THADA: variants seen among roughly 807,000 people sequenced by gnomAD.
THADA encodes the protein tRNA (32-2'-O)-methyltransferase regulator THADA.
Under a neutral mutation model 219.8 loss-of-function variants are expected in THADA, and 213 were observed. The ratio of observed to expected loss-of-function variants is 0.97; its 90% CI spans 0.87 to 1.09. THADA has a LOEUF of 1.09. Among genes scored for constraint, THADA ranks in the 50% least tolerant of loss-of-function variants. THADA has a pLI of 0.00. For synonymous variants in THADA, 1,018 were observed against 828.9 expected, an observed-to-expected ratio of 1.23 and a Z score of -3.92; for missense variants, 2,956 against 2,311.3, an observed-to-expected ratio of 1.28 and a Z score of -5.72.
chr2:43,310,985 T>G (rs1029652464), intron 31 of THADA, among the ~76,000 whole-genome samples: 3 of 152,224 alleles, frequency 2.0e-5, no homozygotes, highest in African/African-American at 7.2e-5. Flanking sequence ...GACACCAGCC[T>G]GGTTAACATG....
intron 21 of THADA, among the ~76,000 whole-genome samples, chr2:43,536,724 T>A (rs1694654938): frequency 6.6e-6 from 1 of 152,048 alleles, no homozygotes; most frequent in South Asian, 2.1e-4. Flanking sequence ...AAAAAAAATA[T>A]AAATATATTT....
chr2:43,552,481 G>C (rs896755862), intron 17 of THADA, 142 bp from the exon 18 acceptor site: 10 of 945,406 alleles, frequency 1.1e-5, no homozygotes, highest in Non-Finnish European at 1.5e-5. Flanking sequence ...AGATCTTTCA[G>C]GGTTATCCAA....
intron 29 of THADA, among the ~76,000 whole-genome samples, chr2:43,358,162 A>G (rs775154628): frequency 6.6e-6 from 1 of 152,194 alleles, no homozygotes; most frequent in Non-Finnish European, 1.5e-5. Flanking sequence ...AATGACTACC[A>G]CAATCAAGAT....
At chr2:43,525,342 C>T (rs574917199) in intron 22 of THADA, among the ~76,000 whole-genome samples, 39 of 152,298 alleles carry the variant, frequency 2.6e-4, no homozygotes, top group Non-Finnish European at 4.6e-4. Context: ...TATGATCTTG[C>T]CACTTTGCTG....
intron 29 of THADA, among the ~76,000 whole-genome samples, chr2:43,352,759 G>C (rs1668431991): frequency 6.6e-6 from 1 of 151,998 alleles, no homozygotes; most frequent in Non-Finnish European, 1.5e-5. Flanking sequence ...ATAGTAACTA[G>C]CATCCCTACC....
intron 26 of THADA, among the ~76,000 whole-genome samples, chr2:43,440,030 A>G (rs1323319031): frequency 6.6e-6 from 1 of 152,204 alleles, no homozygotes; most frequent in East Asian, 1.9e-4. Context: ...AGATATTTTA[A>G]TGGAAAAAGT....
chr2:43,503,778 C>T (rs1346125782), intron 24 of THADA, among the ~76,000 whole-genome samples: 1 of 152,028 alleles, frequency 6.6e-6, no homozygotes, highest in Non-Finnish European at 1.5e-5. Context: ...ATTTTTAAAT[C>T]TCACCAATTT....
chr2:43,502,013 G>A (rs2105072666), intron 24 of THADA, among the ~76,000 whole-genome samples: 1 of 152,122 alleles, frequency 6.6e-6, no homozygotes, highest in Admixed American at 6.5e-5. Flanking sequence ...CACAGAAACA[G>A]AACCACCTAT....
intron 8 of THADA, 79 bp downstream of exon 8, chr2:43,581,662 C>T: frequency 3.1e-6 from 4 of 1,279,356 alleles, no homozygotes; most frequent in Non-Finnish European, 4.4e-6. Context: ...ACATTTCACA[C>T]TATTAGTAGG....
At chr2:43,546,417 G>C (rs2103849588) in intron 20 of THADA, among the ~76,000 whole-genome samples, 1 of 152,244 alleles carries the variant, frequency 6.6e-6, no homozygotes, top group South Asian at 2.1e-4. Context: ...TCAATTCCTG[G>C]ATATCCTTGT....
intron 21 of THADA, 46 bp downstream of exon 21, chr2:43,541,113 T>C (rs1393766276): frequency 6.9e-7 from 1 of 1,453,536 alleles, no homozygotes; most frequent in South Asian, 1.5e-5. Flanking sequence ...AAGTGATTTA[T>C]GCGTTGACCA....
intron 36 of THADA, among the ~76,000 whole-genome samples, chr2:43,266,437 A>AAAACAAAAAAT: frequency 6.6e-6 from 1 of 152,306 alleles, no homozygotes; most frequent in East Asian, 1.9e-4. Flanking sequence ...TAAAAACAAA[A>AAAACAAAAAAT]AAACAAAAAT....
intron 31 of THADA, among the ~76,000 whole-genome samples, chr2:43,293,452 A>C (rs1674987353): frequency 6.6e-6 from 1 of 152,132 alleles, no homozygotes; most frequent in Non-Finnish European, 1.5e-5. Context: ...CTATTAGAAA[A>C]TGCGTTCCTG....
At chr2:43,590,648 A>G (rs998963166) in intron 4 of THADA, among the ~76,000 whole-genome samples, 176 bp downstream of exon 4, 1 of 151,370 alleles carries the variant, frequency 6.6e-6, no homozygotes, top group Non-Finnish European at 1.5e-5. Context: ...CCGTCTCAAA[A>G]AAAAAAAAAA....
chr2:43,514,244 G>GT (rs969766613), intron 22 of THADA, among the ~76,000 whole-genome samples: 2 of 151,230 alleles, frequency 1.3e-5, no homozygotes, highest in African/African-American at 2.4e-5. Flanking sequence ...GAGCTCTGGA[G>GT]TTTGAGACCA....
intron 22 of THADA, among the ~76,000 whole-genome samples, chr2:43,511,277 T>C (rs572161961): frequency 2.0e-5 from 3 of 152,164 alleles, no homozygotes; most frequent in African/African-American, 4.8e-5. Context: ...ATTTCCTAAG[T>C]GTGCTGAAAT....
At chr2:43,459,074 C>T (rs1233264120) in intron 26 of THADA, among the ~76,000 whole-genome samples, 1 of 152,134 alleles carries the variant, frequency 6.6e-6, no homozygotes, top group African/African-American at 2.4e-5. Flanking sequence ...CTTTCCAATC[C>T]AGCCACATCA....
At chr2:43,340,921 G>C (rs1216958352) in intron 30 of THADA, among the ~76,000 whole-genome samples, 2 of 152,184 alleles carry the variant, frequency 1.3e-5, no homozygotes, top group Non-Finnish European at 2.9e-5. Context: ...GAGGACCTCA[G>C]GGACAGGGCA....
At chr2:43,543,620 G>A (rs1193806073) in intron 20 of THADA, among the ~76,000 whole-genome samples, 1 of 152,158 alleles carries the variant, frequency 6.6e-6, no homozygotes, top group Non-Finnish European at 1.5e-5. Flanking sequence ...TTTCTCTGAT[G>A]GCCAGTGATG....
Sources: allele counts gnomAD v4.1 joint callset (sites outside exome capture counted in the v4.1 genomes callset), GRCh38; gene constraint gnomAD v4.1.1; transcripts MANE v1.5; gene names NCBI Gene and HGNC (gene_info 2026-07-23, HGNC 2026-07-21).